The following WIPI2 variants were observed in gnomAD, a reference collection of about 807,000 sequenced individuals.
WIPI2 encodes WD repeat domain, phosphoinositide interacting 2.
Under a neutral mutation model 52.3 loss-of-function variants are expected in WIPI2, and 28 were observed. The ratio of observed to expected loss-of-function variants is 0.54; its 90% CI spans 0.40 to 0.73. WIPI2 has a LOEUF of 0.73. WIPI2 is among the 30% of genes least tolerant of loss of function. WIPI2 has a pLI of 0.00. For synonymous variants in WIPI2, 268 were observed against 245.0 expected (o/e 1.09, Z -0.88); for missense variants, 506 against 602.9 (o/e 0.84, Z 1.68).
intron 3 of WIPI2, among the ~76,000 whole-genome samples, chr7:5,209,190 T>A (rs1209379855): frequency 6.6e-6 from 1 of 152,198 alleles, no homozygotes; most frequent in Admixed American, 6.5e-5. Context: ...CCTATGACTT[T>A]GCTAAATTCA....
chr7:5,229,096 A>G (rs958831260), intron 11 of WIPI2, among the ~76,000 whole-genome samples: 1 of 151,616 alleles, frequency 6.6e-6, no homozygotes, highest in Non-Finnish European at 1.5e-5. Flanking sequence ...GCTCACTGCA[A>G]TCTCCGCCTC....
At chr7:5,220,243 CTT>C (rs11318842) in intron 7 of WIPI2, among the ~76,000 whole-genome samples, 363 of 128,894 alleles carry the variant, frequency 2.8e-3, no homozygotes, top group Middle Eastern at 0.012. Context: ...CTGCTTTTTG[CTT>C]TTTTTTTTTT....
At chr7:5,190,566 G>A in intron 1 of WIPI2, 73 bp downstream of exon 1, 2 of 1,307,266 alleles carry the variant, frequency 1.5e-6, no homozygotes, top group East Asian at 3.2e-5. Flanking sequence ...GGGCCTCGCT[G>A]CCAAGCTCGG....
chr7:5,198,927 A>G (rs1280442936), intron 2 of WIPI2, among the ~76,000 whole-genome samples: 2 of 152,226 alleles, frequency 1.3e-5, no homozygotes, highest in African/African-American at 4.8e-5. Flanking sequence ...TGACAAGCAC[A>G]CTTAAGATCT....
intron 7 of WIPI2, among the ~76,000 whole-genome samples, chr7:5,220,231 T>G (rs1440167892): frequency 7.4e-6 from 1 of 134,500 alleles, no homozygotes; most frequent in East Asian, 2.3e-4. Context: ...TTAGGTCATC[T>G]GCTGCTTTTT....
In WIPI2 at chr7:5,227,150, C is replaced by T; in HGVS notation, c.849-30C>T. On this transcript the variant is annotated intron_variant, in intron 9 of 12. Coordinates refer to ENST00000288828, the MANE Select transcript of WIPI2 (RefSeq NM_015610.4). The surrounding 1 kb of genome is among the most constrained non-coding windows in gnomAD (Gnocchi z 8.1). ...GGCCGTCCCCCCAGGGAGGGTGCAG[C>T]TTCATGTGTCTGGTGGCCTTTCCTT... is the stretch of plus-strand genomic sequence containing the variant. 1.2e-6 allele frequency: 2 copies of T among 1,613,104 alleles called. No individual in the cohort carries two copies.
In WIPI2 at chr7:5,227,459, G is replaced by A. The variant is rs113462433; in HGVS notation, c.1013+115G>A. 2.1e-5 allele frequency: 30 copies of A among 1,397,308 alleles called. No homozygotes were observed. The highest frequency in any genetic ancestry group is 5.0e-4 in the Middle Eastern group (2 of 3,994). 86.6% of individuals were successfully genotyped at this position (1,397,308 alleles called of 1,614,324 possible). ...TGAACAGGAGCAGCTTCTTAGAGCC[G>A]ACACTCCATCGAGAGTTGTCGGGGA... On this transcript the variant is annotated intron_variant, in intron 10 of 12. Coordinates refer to ENST00000288828, the MANE Select transcript of WIPI2 (RefSeq NM_015610.4). The surrounding 1 kb of genome is among the most constrained non-coding windows in gnomAD (Gnocchi z 8.1).
intron 4 of WIPI2, among the ~76,000 whole-genome samples, chr7:5,215,832 A>G (rs142069468): frequency 3.2e-4 from 48 of 152,358 alleles, no homozygotes; most frequent in African/African-American, 1.1e-3. Flanking sequence ...CATCGTCTGC[A>G]TGTCTACATT....
chr7:5,228,495 G>T (rs538830148), intron 11 of WIPI2, among the ~76,000 whole-genome samples: 93 of 152,324 alleles, frequency 6.1e-4, no homozygotes, highest in African/African-American at 2.2e-3. Flanking sequence ...GTTCTTAGGT[G>T]GGGGAGAGGT....
intron 7 of WIPI2, 140 bp from the exon 8 acceptor site, chr7:5,222,462 G>T: frequency 1.2e-6 from 1 of 825,294 alleles, no homozygotes; most frequent in East Asian, 2.5e-5. Flanking sequence ...GGGGGCCCTG[G>T]GGGACCCCAG....
In WIPI2 at chr7:5,233,736, T is replaced by A. The variant is rs898042756; in HGVS notation, c.*2789T>A. On this transcript the variant is annotated 3_prime_UTR_variant, in exon 13 of 13. Transcript: ENST00000288828. ...TCATCCCTACCTCACAGGGCTGTTG[T>A]GAGGTGTTGTGTGACTGCGTGTCCT... 6.6e-6 allele frequency: 1 copy of A among 152,190 alleles called. No homozygotes were observed. Among genetic ancestry groups the A allele is most frequent in the African/African-American group, 2.4e-5 (1 of 41,442 alleles). 9.4% of individuals were successfully genotyped at this position (152,190 alleles called of 1,614,324 possible). A position where few individuals can be genotyped will look rare whatever the true frequency, so the allele number is the denominator to read the frequency against.
At position 5,222,678 on chromosome 7, in the gene WIPI2, G is replaced by T; in HGVS notation, c.740+6G>T. 1 of 1,612,658 alleles carries T rather than the reference G, an allele frequency of 6.2e-7. No individual in the cohort carries two copies. On this transcript the variant is annotated splice_donor_region_variant and intron_variant, in intron 8 of 12. Coordinates refer to ENST00000288828, the MANE Select transcript of WIPI2 (RefSeq NM_015610.4). Reference sequence around the variant, plus strand: ...TTTCGGAGAGGAGTAAAGAGGTAAAGTACGTGAATGTCCAGAATGGATTCT... The same window carrying T: ...TTTCGGAGAGGAGTAAAGAGGTAAATTACGTGAATGTCCAGAATGGATTCT...
intron 1 of WIPI2, among the ~76,000 whole-genome samples, chr7:5,191,155 G>T (rs1266893189): frequency 2.0e-5 from 3 of 152,066 alleles, no homozygotes; most frequent in Non-Finnish European, 4.4e-5. Flanking sequence ...GAGTAGCTGA[G>T]ACTACAGGCA....
Position 5,222,996 on chromosome 7 carries a change from A to C in WIPI2, c.740+324A>C, listed in dbSNP as rs10241341. ...GGGGCGGCGACGTCATGGGTAGCAC[A>C]CCCTCCCCTTTAAAGGCCACGCTCT... On this transcript the variant is annotated intron_variant, in intron 8 of 12. Coordinates refer to ENST00000288828, the MANE Select transcript of WIPI2 (RefSeq NM_015610.4). Among the ~76,000 whole-genome samples, 547 of 152,054 alleles carry C rather than the reference A, an allele frequency of 3.6e-3. 7 individuals are homozygous for C. The highest frequency in any genetic ancestry group is 0.012 in the African/African-American group (512 of 41,460).
chr7:5,197,592 C>A (rs76449853), intron 2 of WIPI2, among the ~76,000 whole-genome samples: 1 of 152,004 alleles, frequency 6.6e-6, no homozygotes, highest in Non-Finnish European at 1.5e-5. Flanking sequence ...TTCTTTTTAT[C>A]CTTCTAAGAT....
chr7:5,190,989 T>A (rs1781455677), intron 1 of WIPI2: 1 of 158,436 alleles, frequency 6.3e-6, no homozygotes, highest in Non-Finnish European at 1.4e-5. Context: ...TTTCTTCGTT[T>A]CTCACTGTTT....
rs111952559 is a variant in WIPI2 at position 5,209,558 on chromosome 7, G to A, written c.212-4977G>A. Reference sequence around the variant, plus strand: ...TGTTGGGTTGGCACAGTCTTTCTCTGTGCAGTTGAATTGGAATTTATCACC... The same window carrying A: ...TGTTGGGTTGGCACAGTCTTTCTCTATGCAGTTGAATTGGAATTTATCACC... On this transcript the variant is annotated intron_variant, in intron 3 of 12. Transcript: ENST00000288828. 3.7e-4 allele frequency among the ~76,000 whole-genome samples: 56 copies of A among 152,272 alleles called. 1 individual carries two copies. Among genetic ancestry groups the A allele is most frequent in the Middle Eastern group, 3.4e-3 (1 of 294 alleles).
chr7:5,226,018 C>A, intron 9 of WIPI2, 88 bp downstream of exon 9: 1 of 1,302,682 alleles, frequency 7.7e-7, no homozygotes, highest in Non-Finnish European at 1.1e-6. Flanking sequence ...CACGGACCCG[C>A]CCACCCTCTG....
At chr7:5,196,169 A>G (rs900864971) in intron 2 of WIPI2, among the ~76,000 whole-genome samples, 3 of 151,966 alleles carry the variant, frequency 2.0e-5, no homozygotes, top group Admixed American at 2.0e-4. Context: ...GTGAAACCCC[A>G]TCTCTACTAA....
Sources: allele counts gnomAD v4.1 joint callset (sites outside exome capture counted in the v4.1 genomes callset), GRCh38; gene constraint gnomAD v4.1.1; non-coding constraint Gnocchi (gnomAD v3.1); transcripts MANE v1.5; gene names NCBI Gene and HGNC (gene_info 2026-07-23, HGNC 2026-07-21).